The following EHBP1L1 variants were observed in gnomAD, a reference collection of about 807,000 sequenced individuals.
The protein encoded by EHBP1L1 is EH domain binding protein 1 like 1.
A neutral mutation model predicts 151.1 loss-of-function variants in EHBP1L1; 122 were observed. The observed-to-expected ratio is 0.81, with a 90% CI of 0.70 to 0.94. EHBP1L1 has a LOEUF of 0.94. EHBP1L1 is among the 40% of genes least tolerant of loss of function. The pLI, the probability that EHBP1L1 is intolerant of heterozygous loss-of-function variation, is 0.00. For synonymous variants in EHBP1L1, 878 were observed against 810.1 expected, an observed-to-expected ratio of 1.08 and a Z score of -1.42; for missense variants, 1,941 against 1,959.8, an observed-to-expected ratio of 0.99 and a Z score of 0.18.
chr11:65,585,167 CCGA>C lies in EHBP1L1; in HGVS notation c.3514_3516del (p.Asp1172del), dbSNP rs1857887581. 1 of 1,347,082 alleles carries C rather than the reference CCGA, an allele frequency of 7.4e-7. No homozygotes were observed. The highest frequency in any genetic ancestry group is 1.6e-5 in the African/African-American group (1 of 64,340). The allele number at this position is 1,347,082 out of a possible 1,614,324, so 83.4% of individuals were successfully genotyped here. ...GTGGGCAGCGCCCAGCCCAGCCCGCCCGACGACCTGGACGCCGGAGGCCTGGCG... is the reference window on the plus strand; with the variant it reads ...GTGGGCAGCGCCCAGCCCAGCCCGCCCGACCTGGACGCCGGAGGCCTGGCG... On this transcript the variant is annotated inframe_deletion, in exon 12 of 19. Transcript: ENST00000309295. This position sits in a 1 kb window ranked among gnomAD's most constrained non-coding sequence, Gnocchi z 4.0.
rs113407592 is a variant in EHBP1L1 at position 65,585,833 on chromosome 11, C to T, written c.3933+242C>T. 7.4e-3 allele frequency among the ~76,000 whole-genome samples: 1,130 copies of T among 152,316 alleles called. 5 individuals are homozygous for T. Among genetic ancestry groups the T allele is most frequent in the Non-Finnish European group, 0.013 (876 of 68,026 alleles). On this transcript the variant is annotated intron_variant, in intron 12 of 18. Transcript: ENST00000309295. The surrounding 1 kb of genome is among the most constrained non-coding windows in gnomAD (Gnocchi z 4.0). ...ATTAGGGGACGCATTTGAGCCAAGG[C>T]CCACCAGGCAGGGTCCCCAGCTTTG...
rs1437175121 is a variant in EHBP1L1, at chr11:65,582,127, T to C, written c.1455T>C (p.Pro485=). The C allele has an allele frequency of 1.3e-6, 2 of 1,594,292 alleles. No homozygotes were observed. Among genetic ancestry groups the C allele is most frequent in the East Asian group, 2.2e-5 (1 of 44,720 alleles). ...GCCTGAGCCTGCCCCCAGCGGAGCC[T>C]GCAGGGCACTCTGGGCAACTTGGTG... ...PSGLSLPPAE[P]AGHSGQLGDL... The change falls in exon 9 of 19, where the codon CCT becomes CCC. Residue 485 remains proline (P), a synonymous_variant. Transcript: ENST00000309295.
rs965302788 is a variant in EHBP1L1 at position 65,585,461 on chromosome 11, C to A, written c.3803C>A (p.Pro1268His). 3.6e-5 allele frequency: 55 copies of A among 1,528,530 alleles called. No homozygotes were observed. The Admixed American group carries it at 1.1e-3, about 30-fold the overall frequency. The allele number at this position is 1,528,530 out of a possible 1,614,324, so 94.7% of individuals were successfully genotyped here. A position where few individuals can be genotyped will look rare whatever the true frequency, so the allele number is the denominator to read the frequency against. Residue 1268 changes from proline to histidine, a missense_variant, in exon 12 of 19, where the codon CCC (proline) becomes CAC (histidine). Transcript: ENST00000309295. The surrounding 1 kb of genome is among the most constrained non-coding windows in gnomAD (Gnocchi z 4.0). Reference sequence around the variant, plus strand: ...GGGGAGCCCGGGTCGGTGCCCCCGCCCCGCGCGCACGGCTCCTTCTCCCAC... The same window carrying A: ...GGGGAGCCCGGGTCGGTGCCCCCGCACCGCGCGCACGGCTCCTTCTCCCAC... ...VNGEPGSVPP[P>H]RAHGSFSHVR... is the part of the protein sequence containing the mutation.
intron 6 of EHBP1L1, 121 bp downstream of exon 6, chr11:65,580,600 C>T (rs1857550816): frequency 7.7e-7 from 1 of 1,307,180 alleles, no homozygotes; most frequent in Non-Finnish European, 1.0e-6. Context: ...CCAGGCAGTC[C>T]CAACCAACCC....
rs1858378061 is a variant in EHBP1L1 at position 65,592,324 on chromosome 11, A to G, written c.*22A>G. On this transcript the variant is annotated 3_prime_UTR_variant, in exon 19 of 19. Transcript: ENST00000309295. ...CTGAGGCCGCCGGCCCGGGTGGCCC[A>G]TAACTTCTCGCGTCCCCGGCGTCCG... The G allele has an allele frequency of 7.0e-7, 1 of 1,419,662 alleles. No individual in the cohort carries two copies. Among genetic ancestry groups the G allele is most frequent in the South Asian group, 1.4e-5 (1 of 68,996 alleles). 87.9% of individuals were successfully genotyped at this position (1,419,662 alleles called of 1,614,324 possible).
Position 65,582,001 on chromosome 11 carries a change from AG to A in EHBP1L1, c.1333del (p.Val445Ter). 1 of 1,613,756 alleles carries A rather than the reference AG, an allele frequency of 6.2e-7. No individual in the cohort carries two copies. Among genetic ancestry groups the A allele is most frequent in the Non-Finnish European group, 8.5e-7 (1 of 1,179,846 alleles). ...HVDTKGPEAT[G>X]VMPEARCRGT... The stretch of plus-strand genomic sequence containing the variant: ...TGGACACTAAGGGACCAGAGGCGAC[AG>A]GGGTGATGCCTGAGGCAAGATGCAG... On this transcript the variant is annotated frameshift_variant, in exon 9 of 19. Transcript: ENST00000309295. LOFTEE classifies it high-confidence loss of function.
In EHBP1L1 at chr11:65,584,250, G is replaced by C; in HGVS notation, c.3103G>C (p.Ala1035Pro). The change falls in exon 10 of 19, where the codon GCC (alanine) becomes CCC (proline). Residue 1035 changes from alanine (A) to proline (P), a missense_variant. By Grantham distance (27) the Ala-to-Pro change is conservative (BLOSUM62 -1). Transcript: ENST00000309295. Reference sequence around the variant, plus strand: ...ACCCCTGTGTCCTCAGGCACCACCTGCCCTGGTCAGCTCCAGCCAGTCCCT... The same window carrying C: ...ACCCCTGTGTCCTCAGGCACCACCTCCCCTGGTCAGCTCCAGCCAGTCCCT... The part of the protein sequence containing the change: ...RRLPGSQAPP[A>P]LVSSSQSLLE... 1 of 1,609,370 alleles carries C rather than the reference G, an allele frequency of 6.2e-7. No individual in the cohort carries two copies.
Position 65,585,591 on chromosome 11 carries a change from AG to A in EHBP1L1, c.3933+1del, listed in dbSNP as rs1469349656. 1 of 1,572,116 alleles carries A rather than the reference AG, an allele frequency of 6.4e-7. No individual in the cohort carries two copies. Among genetic ancestry groups the A allele is most frequent in the Non-Finnish European group, 8.6e-7 (1 of 1,166,548 alleles). On this transcript the variant is annotated splice_donor_variant, in intron 12 of 18. Transcript: ENST00000309295. LOFTEE classifies it high-confidence loss of function. The surrounding 1 kb of genome is among the most constrained non-coding windows in gnomAD (Gnocchi z 4.0). ...CGGGAGCCATGGGAGCTGCGGCTGC[AG>A]TGAGTGTCAAGGTCCTTCTTTCTTC...
chr11:65,588,528 T>C (rs1365399495), intron 12 of EHBP1L1, among the ~76,000 whole-genome samples: 3 of 152,126 alleles, frequency 2.0e-5, no homozygotes, highest in South Asian at 4.1e-4. Flanking sequence ...CCAGAGAGGA[T>C]TGCCTCTGAG....
At chr11:65,589,387 A>G (rs1051067657) in intron 12 of EHBP1L1, among the ~76,000 whole-genome samples, 12 of 152,126 alleles carry the variant, frequency 7.9e-5, no homozygotes, top group Non-Finnish European at 1.3e-4. Context: ...GCGAATCTCC[A>G]TCTCAAAAAA....
Position 65,582,285 on chromosome 11 carries a change from T to G in EHBP1L1, c.1613T>G (p.Val538Gly), listed in dbSNP as rs6591182. Residue 538 changes from valine (V) to glycine (G), a missense_variant, in exon 9 of 19, where the codon GTG becomes GGG. Physicochemically the swap from Val to Gly is moderately radical, Grantham distance 109 (BLOSUM62 -3). Coordinates refer to ENST00000309295, the MANE Select transcript of EHBP1L1 (RefSeq NM_001099409.3). Reference protein sequence around the residue: ...SVGAISTRPQVSSWQGALLST... With the variant: ...SVGAISTRPQGSSWQGALLST... ...GGAGCAATAAGCACCAGGCCCCAGG[T>G]GAGCAGCTGGCAGGGGGCCCTGTTA... The G allele has an allele frequency of 0.48, 739,163 of 1,527,610 alleles. 181,234 individuals are homozygous for G. The highest frequency in any genetic ancestry group is 0.53 in the South Asian group (40,378 of 76,400). The allele number at this position is 1,527,610 out of a possible 1,614,324, so 94.6% of individuals were successfully genotyped here.
At chr11:65,580,541 G>C in intron 6 of EHBP1L1, 62 bp downstream of exon 6, 16 of 1,567,438 alleles carry the variant, frequency 1.0e-5, no homozygotes, top group Non-Finnish European at 1.3e-5. Context: ...GGTTACCCGG[G>C]CCACCAGCCA....
Position 65,583,291 on chromosome 11 carries a change from T to C in EHBP1L1, c.2619T>C (p.Val873=), listed in dbSNP as rs1341106391. ...VLMTRKTEII[V]PEAEKEEAQT... The stretch of plus-strand genomic sequence containing the variant: ...TGACCCGTAAGACAGAAATTATAGT[T>C]CCAGAGGCTGAGAAGGAAGAGGCTC... The change falls in exon 9 of 19, where the codon GTT becomes GTC. Residue 873 remains valine, a synonymous_variant. Transcript: ENST00000309295. 1 of 1,613,314 alleles carries C rather than the reference T, an allele frequency of 6.2e-7. No homozygotes were observed. Among genetic ancestry groups the C allele is most frequent in the African/African-American group, 1.3e-5 (1 of 74,770 alleles).
chr11:65,583,529 G>T lies in EHBP1L1; in HGVS notation c.2857G>T (p.Gly953Trp), dbSNP rs1315742625. Residue 953 changes from glycine to tryptophan, a missense_variant, in exon 9 of 19, where the codon GGG (glycine) becomes TGG (tryptophan). Coordinates refer to ENST00000309295, the MANE Select transcript of EHBP1L1 (RefSeq NM_001099409.3). Reference sequence around the variant, plus strand: ...GTCAGAGGGCAAATCTGGGGCTTGGGGGGCCCAGGAAGCAGAGATGAAGGT... The same window carrying T: ...GTCAGAGGGCAAATCTGGGGCTTGGTGGGCCCAGGAAGCAGAGATGAAGGT... ...GMSEGKSGAW[G>W]AQEAEMKVLE... 3 of 1,613,282 alleles carry T rather than the reference G, an allele frequency of 1.9e-6. No homozygotes were observed. Among genetic ancestry groups the T allele is most frequent in the Non-Finnish European group, 1.7e-6 (2 of 1,179,720 alleles).
At position 65,581,663 on chromosome 11, in the gene EHBP1L1, C is replaced by T. The variant is rs1423475531; in HGVS notation, c.991C>T (p.Pro331Ser). ...EDEVPKASGAPPAGLGSARET... is the reference protein window; with the variant it reads ...EDEVPKASGASPAGLGSARET... ...TGAGGTCCCCAAAGCCTCAGGGGCT[C>T]CTCCAGCAGGATTGGGCTCTGCTAG... is the stretch of plus-strand genomic sequence containing the variant. The change falls in exon 9 of 19, where the codon CCT (proline) becomes TCT (serine). Residue 331 changes from proline (P) to serine (S), a missense_variant. Coordinates refer to ENST00000309295, the MANE Select transcript of EHBP1L1 (RefSeq NM_001099409.3). 1.9e-6 allele frequency: 3 copies of T among 1,564,082 alleles called. No homozygotes were observed. In the South Asian group the frequency reaches 3.5e-5, roughly 18 times the overall value.
chr11:65,576,985 G>C lies in EHBP1L1; in HGVS notation c.104+579G>C, dbSNP rs1316037221. Among the ~76,000 whole-genome samples the C allele has an allele frequency of 4.6e-5, 7 of 152,330 alleles. No individual in the cohort carries two copies. The East Asian group carries it at 1.4e-3, about 29-fold the overall frequency. On this transcript the variant is annotated intron_variant, in intron 1 of 18. Transcript: ENST00000309295. ...GGATTGAGGAGGGAGGCGGGGAGCA[G>C]CTTAAAGGGGCCTGAGGACCTAGGA...
At chr11:65,587,672 C>T (rs1249354188) in intron 12 of EHBP1L1, among the ~76,000 whole-genome samples, 1 of 152,232 alleles carries the variant, frequency 6.6e-6, no homozygotes, top group Non-Finnish European at 1.5e-5. Flanking sequence ...TCACACAGGG[C>T]TGGGCTTTCT....
intron 12 of EHBP1L1, among the ~76,000 whole-genome samples, chr11:65,587,517 T>C (rs1278375554): frequency 1.3e-5 from 2 of 152,206 alleles, no homozygotes; most frequent in Non-Finnish European, 2.9e-5. Context: ...CAGCACTCTT[T>C]ATGTGCCTGG....
Position 65,583,498 on chromosome 11 carries a change from G to T in EHBP1L1, c.2826G>T (p.Trp942Cys), listed in dbSNP as rs1412453157. 3.1e-6 allele frequency: 5 copies of T among 1,613,210 alleles called. No homozygotes were observed. The African/African-American group carries it at 6.7e-5, about 22-fold the overall frequency. The change falls in exon 9 of 19, where the codon TGG becomes TGT. Residue 942 changes from tryptophan to cysteine, a missense_variant. Coordinates refer to ENST00000309295, the MANE Select transcript of EHBP1L1 (RefSeq NM_001099409.3). ...TCCAGGAGGCAGAGGCTGGGGTTTG[G>T]GGGATGTCAGAGGGCAAATCTGGGG... ...LRVQEAEAGV[W>C]GMSEGKSGAW...
Sources: gnomAD v4.1 joint callset for allele counts (sites outside exome capture counted in the v4.1 genomes callset) on GRCh38, gnomAD v4.1.1 for gene constraint, Gnocchi (gnomAD v3.1) non-coding constraint, MANE v1.5 for transcripts, NCBI Gene and HGNC (gene_info 2026-07-23, HGNC 2026-07-21) for gene names.